Variants in TRPM1 observed in about 807,000 individuals in gnomAD.
The protein encoded by TRPM1 is TRPM1-203 APA Isoform, Intron 10.
In TRPM1, 113 loss-of-function variants were observed where a neutral mutation model predicts 149.4. That is an observed-to-expected ratio of 0.76 (90% CI 0.65 to 0.88). The LOEUF (loss-of-function observed/expected upper bound fraction) is 0.88, where lower values mean the gene tolerates loss of function less well. Among genes scored for constraint, TRPM1 ranks in the 40% least tolerant of loss-of-function variants. The pLI, the probability that TRPM1 is intolerant of heterozygous loss-of-function variation, is 0.00. For missense variants in TRPM1, 1,976 were observed against 2,038.7 expected (o/e 0.97, Z 0.59); for synonymous variants, 741 against 759.5 (o/e 0.98, Z 0.40).
chr15:31,047,860 A>G, intron 14 of TRPM1, 29 bp downstream of exon 14: 1 of 1,583,780 alleles, frequency 6.3e-7, no homozygotes, highest in African/African-American at 1.3e-5. Context: ...AGATGCCAAC[A>G]GGTAAGAATT....
At chr15:31,085,027 A>G (rs1401219656) in intron 1 of TRPM1, among the ~76,000 whole-genome samples, 1 of 152,146 alleles carries the variant, frequency 6.6e-6, no homozygotes, top group Non-Finnish European at 1.5e-5. Flanking sequence ...AAATATGGCT[A>G]GGAAAAAAGG....
intron 1 of TRPM1, among the ~76,000 whole-genome samples, chr15:31,140,139 G>T (rs2036140535): frequency 6.6e-6 from 1 of 151,634 alleles, no homozygotes; most frequent in Non-Finnish European, 1.5e-5. Flanking sequence ...GGCCGTGGTG[G>T]GTGGATCACC....
Position 31,050,506 on chromosome 15 carries a change from TTGGTGG to T in TRPM1, c.1334_1339del (p.Thr445_Thr446del). ...GCCTTTCCCTTTTCCTCTTCCTCCCTTGGTGGTGGCCATGGGTGGCTTCTTCTCCTT... is the reference window on the plus strand; with the variant it reads ...GCCTTTCCCTTTTCCTCTTCCTCCCTTGGCCATGGGTGGCTTCTTCTCCTT... On this transcript the variant is annotated inframe_deletion, in exon 12 of 28. Coordinates refer to ENST00000256552, the MANE Select transcript of TRPM1 (RefSeq NM_001252024.2). 2 of 1,614,122 alleles carry T rather than the reference TTGGTGG, an allele frequency of 1.2e-6. No homozygotes were observed. The highest frequency in any genetic ancestry group is 1.7e-6 in the Non-Finnish European group (2 of 1,180,018).
At chr15:31,009,582 C>T (rs999836842) in intron 27 of TRPM1, among the ~76,000 whole-genome samples, 4 of 152,022 alleles carry the variant, frequency 2.6e-5, no homozygotes, top group South Asian at 2.1e-4. Context: ...TGTGGGTTTA[C>T]GTCTTTGATC....
At chr15:31,101,401 A>G (rs1386485365) in intron 1 of TRPM1, among the ~76,000 whole-genome samples, 2 of 152,150 alleles carry the variant, frequency 1.3e-5, no homozygotes, top group Non-Finnish European at 2.9e-5. Context: ...ACACAGGTTC[A>G]CCAGCTGCTC....
At chr15:31,157,008 G>A (rs1240946660) in intron 1 of TRPM1, among the ~76,000 whole-genome samples, 2 of 151,706 alleles carry the variant, frequency 1.3e-5, no homozygotes, top group African/African-American at 4.9e-5. Flanking sequence ...ACCTCCTTGG[G>A]CTCAAGTAGT....
chr15:31,056,337 C>A (rs902423227), intron 11 of TRPM1, among the ~76,000 whole-genome samples: 1 of 152,200 alleles, frequency 6.6e-6, no homozygotes, highest in Non-Finnish European at 1.5e-5. Context: ...AATTAAATGT[C>A]TACATGTGTG....
chr15:31,043,664 C>T (rs2033685008), intron 16 of TRPM1, among the ~76,000 whole-genome samples: 1 of 152,024 alleles, frequency 6.6e-6, no homozygotes, highest in African/African-American at 2.4e-5. Context: ...TAAAAATGAA[C>T]ATCGTAGAAA....
intron 3 of TRPM1, among the ~76,000 whole-genome samples, chr15:31,072,008 T>TAGAGAGAG (rs1217815144): frequency 1.2e-4 from 4 of 34,768 alleles, no homozygotes; most frequent in African/African-American, 3.3e-4. Flanking sequence ...TATATATATA[T>TAGAGAGAG]ATATATATAT....
At chr15:31,114,629 C>A (rs551220672) in intron 1 of TRPM1, among the ~76,000 whole-genome samples, 115 of 152,306 alleles carry the variant, frequency 7.6e-4, no homozygotes, top group African/African-American at 2.6e-3. Context: ...ACTAAAAAGG[C>A]AGCTGACCTC....
rs2033918531 is a variant in TRPM1, at chr15:31,050,531, TCTC to T, written c.1312_1314del (p.Glu438del). The T allele has an allele frequency of 1.2e-6, 2 of 1,614,048 alleles. No individual in the cohort carries two copies. Among genetic ancestry groups the T allele is most frequent in the Non-Finnish European group, 1.7e-6 (2 of 1,180,004 alleles). On this transcript the variant is annotated inframe_deletion, in exon 12 of 28. Transcript: ENST00000256552. Reference sequence around the variant, plus strand: ...TTGGTGGTGGCCATGGGTGGCTTCTTCTCCTTCTCCGTGGCTTTGCTGTCCGTC... The same window carrying T: ...TTGGTGGTGGCCATGGGTGGCTTCTTCTTCTCCGTGGCTTTGCTGTCCGTC...
intron 3 of TRPM1, among the ~76,000 whole-genome samples, chr15:31,072,842 C>A (rs185675996): frequency 6.6e-6 from 1 of 151,964 alleles, no homozygotes; most frequent in Non-Finnish European, 1.5e-5. Context: ...TATTCATTTC[C>A]TTTGCCCATT....
chr15:31,068,424 T>C (rs936431991), intron 4 of TRPM1, among the ~76,000 whole-genome samples: 1 of 152,090 alleles, frequency 6.6e-6, no homozygotes. Flanking sequence ...GGATCCCTCG[T>C]GAGTGGGACT....
At position 31,087,444 on chromosome 15, in the gene TRPM1, C is replaced by T. The variant is rs1054361073; in HGVS notation, c.-83-6006G>A. Among the ~76,000 whole-genome samples the T allele has an allele frequency of 3.3e-5, 5 of 151,486 alleles. No homozygotes were observed. The East Asian group carries it at 7.8e-4, about 24-fold the overall frequency. The stretch of plus-strand genomic sequence containing the variant: ...TTTTTTTGTGTATTTTTAGTAGAGA[C>T]GGGGTTTCACCATGTTAGCCAGGAT... On this transcript the variant is annotated intron_variant, in intron 1 of 27. Coordinates refer to ENST00000256552, the MANE Select transcript of TRPM1 (RefSeq NM_001252024.2).
intron 1 of TRPM1, among the ~76,000 whole-genome samples, chr15:31,113,705 C>G (rs2035750386): frequency 6.6e-6 from 1 of 152,190 alleles, no homozygotes; most frequent in Admixed American, 6.5e-5. Context: ...ATAGTTAGTT[C>G]ATTCCGGTGG....
intron 4 of TRPM1, 131 bp from the exon 5 acceptor site, chr15:31,068,223 C>A (rs1016613440): frequency 2.5e-6 from 2 of 800,968 alleles, no homozygotes; most frequent in East Asian, 5.1e-5. Flanking sequence ...CTGGAGCCCT[C>A]TGTGTGAGTC....
intron 2 of TRPM1, among the ~76,000 whole-genome samples, chr15:31,080,104 A>G (rs957509271): frequency 6.6e-6 from 1 of 152,186 alleles, no homozygotes; most frequent in African/African-American, 2.4e-5. Flanking sequence ...ATAAACGCAC[A>G]GGGGAGGGAG....
At chr15:31,090,988 C>T (rs1470728244) in intron 1 of TRPM1, among the ~76,000 whole-genome samples, 2 of 152,164 alleles carry the variant, frequency 1.3e-5, no homozygotes, top group Non-Finnish European at 2.9e-5. Context: ...ACTTCAAGCC[C>T]AATGTCTAGC....
chr15:31,048,011 C>T, intron 13 of TRPM1, 72 bp from the exon 14 acceptor site: 3 of 1,369,788 alleles, frequency 2.2e-6, no homozygotes, highest in South Asian at 2.3e-5. Context: ...GCCTGTAGTC[C>T]CAGCACTTTG....
Sources: gnomAD v4.1 joint callset for allele counts (sites outside exome capture counted in the v4.1 genomes callset) on GRCh38, gnomAD v4.1.1 for gene constraint, MANE v1.5 for transcripts, NCBI Gene and HGNC (gene_info 2026-07-23, HGNC 2026-07-21) for gene names.